The following SLC9A9 variants were observed in gnomAD, a reference collection of about 807,000 sequenced individuals.
SLC9A9 encodes the protein sodium/hydrogen exchanger 9.
A neutral mutation model predicts 77.8 loss-of-function variants in SLC9A9; 62 were observed. The observed-to-expected ratio is 0.80, with a 90% confidence interval of 0.65 to 0.98. SLC9A9 has a LOEUF of 0.98. SLC9A9 is among the 50% of genes least tolerant of loss of function. The pLI is 0.00. For missense variants in SLC9A9, 775 were observed against 774.9 expected, an observed-to-expected ratio of 1.00 and a Z score of 0.00; for synonymous variants, 320 against 283.5, an observed-to-expected ratio of 1.13 and a Z score of -1.29.
At position 143,687,590 on chromosome 3, in the gene SLC9A9, G is replaced by T. The variant is rs140187406; in HGVS notation, c.649+5602C>A. Among the ~76,000 whole-genome samples the T allele has an allele frequency of 5.2e-3, 795 of 152,128 alleles. 5 individuals are homozygous for T. Among genetic ancestry groups the T allele is most frequent in the African/African-American group, 0.017 (705 of 41,510 alleles). ...CTCAGAATATAGTTAGCAGGCTTCG[G>T]GTTGACTTTCATTTTCCCTAAAATA... is the stretch of plus-strand genomic sequence containing the variant. On this transcript the variant is annotated intron_variant, in intron 5 of 15. Coordinates refer to ENST00000316549, the MANE Select transcript of SLC9A9 (RefSeq NM_173653.4).
chr3:143,503,445 C>T, intron 9 of SLC9A9: 1 of 356,608 alleles, frequency 2.8e-6, no homozygotes, highest in Non-Finnish European at 5.5e-6. Flanking sequence ...ACCTGGTGCT[C>T]ACGATGCCCA....
intron 11 of SLC9A9, among the ~76,000 whole-genome samples, chr3:143,487,470 G>A (rs549761825): frequency 6.6e-6 from 1 of 151,846 alleles, no homozygotes; most frequent in East Asian, 1.9e-4. Context: ...AACATACACA[G>A]TCTTCTCAAG....
intron 9 of SLC9A9, among the ~76,000 whole-genome samples, chr3:143,544,144 T>C (rs1438712475): frequency 1.3e-5 from 2 of 152,234 alleles, no homozygotes. Context: ...TTTTCTCATA[T>C]GTTTCTTGGC....
intron 5 of SLC9A9, among the ~76,000 whole-genome samples, chr3:143,680,575 A>T (rs1933054634): frequency 1.3e-5 from 2 of 152,102 alleles, no homozygotes; most frequent in Admixed American, 1.3e-4. Context: ...TTTTATAGAT[A>T]TTGAATTTTA....
intron 14 of SLC9A9, among the ~76,000 whole-genome samples, chr3:143,331,256 C>A (rs1397841154): frequency 5.3e-5 from 8 of 152,176 alleles, no homozygotes; most frequent in African/African-American, 1.9e-4. Flanking sequence ...TTATGAGGGG[C>A]TGGTGGGCTG....
At chr3:143,504,441 G>A (rs1416539457) in intron 9 of SLC9A9, among the ~76,000 whole-genome samples, 2 of 152,124 alleles carry the variant, frequency 1.3e-5, no homozygotes, top group Non-Finnish European at 2.9e-5. Context: ...GGTGGCACAG[G>A]AGATGAATTA....
chr3:143,761,785 A>G (rs1444958318), intron 4 of SLC9A9, among the ~76,000 whole-genome samples: 1 of 152,234 alleles, frequency 6.6e-6, no homozygotes, highest in Non-Finnish European at 1.5e-5. Flanking sequence ...CAGTGTGGCG[A>G]TTCCTCAATG....
chr3:143,703,746 A>G (rs1290882951), intron 4 of SLC9A9, among the ~76,000 whole-genome samples: 1 of 152,126 alleles, frequency 6.6e-6, no homozygotes, highest in East Asian at 1.9e-4. Flanking sequence ...TTTGAAGACA[A>G]CAATACAAAT....
At chr3:143,707,038 T>C (rs963258133) in intron 4 of SLC9A9, among the ~76,000 whole-genome samples, 1 of 152,126 alleles carries the variant, frequency 6.6e-6, no homozygotes, top group Non-Finnish European at 1.5e-5. Context: ...GGAAGGTTCA[T>C]TGTTAGGTGC....
At chr3:143,683,845 A>T (rs1933179218) in intron 5 of SLC9A9, among the ~76,000 whole-genome samples, 1 of 152,096 alleles carries the variant, frequency 6.6e-6, no homozygotes. Context: ...ATAGTTGGTC[A>T]CGGGAGAACT....
At chr3:143,646,212 C>T (rs1008199321) in intron 6 of SLC9A9, among the ~76,000 whole-genome samples, 1 of 150,902 alleles carries the variant, frequency 6.6e-6, no homozygotes, top group Non-Finnish European at 1.5e-5. Flanking sequence ...TGTGATTCCA[C>T]ATAACACTTC....
intron 4 of SLC9A9, among the ~76,000 whole-genome samples, chr3:143,720,545 C>G (rs561835505): frequency 6.6e-6 from 1 of 152,136 alleles, no homozygotes; most frequent in East Asian, 1.9e-4. Flanking sequence ...CCAGGTGTAC[C>G]GAGGTGTCAG....
intron 12 of SLC9A9, among the ~76,000 whole-genome samples, chr3:143,398,962 G>T (rs1158412308): frequency 6.6e-6 from 1 of 151,504 alleles, no homozygotes; most frequent in Non-Finnish European, 1.5e-5. Flanking sequence ...AAGACCAGAT[G>T]CTATTAATAA....
intron 4 of SLC9A9, among the ~76,000 whole-genome samples, chr3:143,737,035 C>T (rs1005848627): frequency 1.3e-5 from 2 of 151,902 alleles, no homozygotes; most frequent in Admixed American, 6.6e-5. Context: ...GATTAAAATA[C>T]CAAGTTACAA....
chr3:143,747,043 G>A (rs1935211772), intron 4 of SLC9A9, among the ~76,000 whole-genome samples: 2 of 152,064 alleles, frequency 1.3e-5, no homozygotes, highest in African/African-American at 4.8e-5. Context: ...GTGGTACGCT[G>A]AACAATGGGC....
intron 8 of SLC9A9, among the ~76,000 whole-genome samples, chr3:143,552,734 A>G (rs2036914641): frequency 6.6e-6 from 1 of 152,202 alleles, no homozygotes; most frequent in Admixed American, 6.5e-5. Flanking sequence ...CATGAGCTAG[A>G]AAAGTTATAT....
intron 11 of SLC9A9, among the ~76,000 whole-genome samples, chr3:143,490,608 T>A (rs925589561): frequency 6.6e-6 from 1 of 152,130 alleles, no homozygotes; most frequent in African/African-American, 2.4e-5. Context: ...GGTTGCACAT[T>A]TCGAATGTAT....
At chr3:143,563,754 G>A (rs1055816703) in intron 8 of SLC9A9, among the ~76,000 whole-genome samples, 9 of 152,114 alleles carry the variant, frequency 5.9e-5, no homozygotes, top group African/African-American at 2.2e-4. Context: ...TTGCCAATAA[G>A]GGTCAAGAAA....
intron 2 of SLC9A9, among the ~76,000 whole-genome samples, chr3:143,801,995 CCAT>C (rs1481261571): frequency 1.3e-5 from 2 of 152,170 alleles, no homozygotes; most frequent in Non-Finnish European, 2.9e-5. Flanking sequence ...ACTGCAAAGG[CCAT>C]CAAAAGGCAT....
Sources: allele counts gnomAD v4.1 joint callset (sites outside exome capture counted in the v4.1 genomes callset), GRCh38; gene constraint gnomAD v4.1.1; transcripts MANE v1.5; gene names NCBI Gene and HGNC (gene_info 2026-07-23, HGNC 2026-07-21).